The following WDR25 variants were observed in gnomAD, a reference collection of about 807,000 sequenced individuals.
The protein encoded by WDR25 is WD repeat domain 25.
A neutral mutation model predicts 47.7 loss-of-function variants in WDR25; 35 were observed. The observed-to-expected ratio is 0.73, with a 90% CI of 0.56 to 0.97. The LOEUF (loss-of-function observed/expected upper bound fraction) is 0.97, where lower values mean the gene tolerates loss of function less well. Ranked by LOEUF, WDR25 falls within the 50% of genes least tolerant of loss-of-function variation. The probability of loss-of-function intolerance (pLI) is 0.00; values close to 1 mark genes in which losing one functional copy is unlikely to be tolerated. For missense variants in WDR25, 634 were observed against 704.7 expected (o/e 0.90, Z 1.14); for synonymous variants, 248 against 278.9 (o/e 0.89, Z 1.10).
intron 2 of WDR25, among the ~76,000 whole-genome samples, chr14:100,422,473 G>A (rs1270787611): frequency 6.6e-6 from 1 of 152,170 alleles, no homozygotes; most frequent in East Asian, 1.9e-4. Context: ...AGGGAGATTG[G>A]ACTCCACCTT....
At chr14:100,465,289 C>G (rs1899591183) in intron 2 of WDR25, among the ~76,000 whole-genome samples, 1 of 152,308 alleles carries the variant, frequency 6.6e-6, no homozygotes, top group South Asian at 2.1e-4. Context: ...GTTGTGCAGT[C>G]TGCACCCCAT....
chr14:100,525,212 C>G lies in WDR25; in HGVS notation c.1102-658C>G, dbSNP rs1157891918. The stretch of plus-strand genomic sequence containing the variant: ...TGGTACTGGGACCCTTCTCCATCCC[C>G]TCACCAGAGCTGGATACTTGAGAGC... On this transcript the variant is annotated intron_variant, in intron 4 of 6. Coordinates refer to ENST00000402312, the MANE Select transcript of WDR25 (RefSeq NM_001161476.3). This position sits in a 1 kb window ranked among gnomAD's most constrained non-coding sequence, Gnocchi z 4.6. 6.6e-6 allele frequency among the ~76,000 whole-genome samples: 1 copy of G among 152,212 alleles called. No individual in the cohort carries two copies. Among genetic ancestry groups the G allele is most frequent in the Non-Finnish European group, 1.5e-5 (1 of 68,036 alleles).
chr14:100,493,262 C>G (rs1402882145), intron 4 of WDR25, among the ~76,000 whole-genome samples: 1 of 152,140 alleles, frequency 6.6e-6, no homozygotes, highest in Non-Finnish European at 1.5e-5. Flanking sequence ...AAAAAGAAAC[C>G]ACGTTTTTTA....
At chr14:100,402,714 G>A (rs1248647281) in intron 2 of WDR25, among the ~76,000 whole-genome samples, 2 of 152,174 alleles carry the variant, frequency 1.3e-5, no homozygotes, top group African/African-American at 4.8e-5. Flanking sequence ...GAGAATTACA[G>A]GTGTCCCCCA....
Position 100,407,991 on chromosome 14 carries a change from C to A in WDR25, c.822+26245C>A, listed in dbSNP as rs909987195. 2.0e-5 allele frequency among the ~76,000 whole-genome samples: 3 copies of A among 151,972 alleles called. No individual in the cohort carries two copies. The highest frequency in any genetic ancestry group is 2.9e-5 in the Non-Finnish European group (2 of 67,992). On this transcript the variant is annotated intron_variant, in intron 2 of 6. Transcript: ENST00000402312. The surrounding 1 kb of genome is among the most constrained non-coding windows in gnomAD (Gnocchi z 4.1). ...GGAGACAGGGGAGGGGTTGTGAGAG[C>A]CAGAGCACAGATGCCTGCACACCAG... is the stretch of plus-strand genomic sequence containing the variant.
At chr14:100,462,338 T>G in intron 2 of WDR25, among the ~76,000 whole-genome samples, 1 of 152,254 alleles carries the variant, frequency 6.6e-6, no homozygotes, top group East Asian at 1.9e-4. Flanking sequence ...AACTCCTTAA[T>G]TCTATGAAGG....
chr14:100,528,074 T>A (rs746857379), intron 5 of WDR25, among the ~76,000 whole-genome samples: 5 of 152,148 alleles, frequency 3.3e-5, no homozygotes, highest in Admixed American at 6.6e-5. Context: ...TGGGCTGGGC[T>A]GGGCTGTCCC....
intron 3 of WDR25, among the ~76,000 whole-genome samples, chr14:100,470,046 A>G (rs1899776251): frequency 6.6e-6 from 1 of 152,256 alleles, no homozygotes; most frequent in African/African-American, 2.4e-5. Context: ...AGACACAGGA[A>G]TTGCAAGAAC....
intron 4 of WDR25, among the ~76,000 whole-genome samples, chr14:100,489,247 G>T (rs2140329050): frequency 6.6e-6 from 1 of 152,368 alleles, no homozygotes; most frequent in Admixed American, 6.5e-5. Context: ...CCCGGTGTTT[G>T]GTGGATAACA....
In WDR25 at chr14:100,422,671, T is replaced by A. The variant is rs547901173; in HGVS notation, c.822+40925T>A. Among the ~76,000 whole-genome samples, 7 of 152,370 alleles carry A rather than the reference T, an allele frequency of 4.6e-5. 1 individual carries two copies. The South Asian group carries it at 1.5e-3, about 32-fold the overall frequency. The stretch of plus-strand genomic sequence containing the variant: ...CTTCCCCTCCTGAGTATTTGTTCCG[T>A]GGACGCCCACCAGCGTACTGAGCGT... On this transcript the variant is annotated intron_variant, in intron 2 of 6. Transcript: ENST00000402312.
At chr14:100,485,064 C>T (rs1294041982) in intron 4 of WDR25, among the ~76,000 whole-genome samples, 1 of 152,208 alleles carries the variant, frequency 6.6e-6, no homozygotes, top group African/African-American at 2.4e-5. Flanking sequence ...TCAGTGCCAG[C>T]CCCACTAGGC....
chr14:100,433,739 A>G lies in WDR25; in HGVS notation c.823-34282A>G, dbSNP rs926964090. Among the ~76,000 whole-genome samples the G allele has an allele frequency of 2.0e-4, 30 of 152,310 alleles. 1 individual carries two copies. The East Asian group carries it at 5.8e-3, about 29-fold the overall frequency. ...TAGTTTCTTAGTTTAACAGTAAGTT[A>G]TAATAATACATTTTTATCATTTGAT... On this transcript the variant is annotated intron_variant, in intron 2 of 6. Transcript: ENST00000402312.
chr14:100,384,232 A>G (rs1896969145), intron 2 of WDR25, among the ~76,000 whole-genome samples: 1 of 152,232 alleles, frequency 6.6e-6, no homozygotes, highest in African/African-American at 2.4e-5. Flanking sequence ...GGTGTCGTGA[A>G]CATTAGGGCT....
In WDR25 at chr14:100,425,259, A is replaced by G. The variant is rs1898135097; in HGVS notation, c.823-42762A>G. Among the ~76,000 whole-genome samples, 1 of 151,920 alleles carries G rather than the reference A, an allele frequency of 6.6e-6. No homozygotes were observed. The highest frequency in any genetic ancestry group is 2.4e-5 in the African/African-American group (1 of 41,342). ...GCCCTTCTCCATCCTACCTCCCTTA[A>G]TGTGCACATCCTGTCACCCCATGGG... On this transcript the variant is annotated intron_variant, in intron 2 of 6. Coordinates refer to ENST00000402312, the MANE Select transcript of WDR25 (RefSeq NM_001161476.3). The surrounding 1 kb of genome is among the most constrained non-coding windows in gnomAD (Gnocchi z 4.8).
At chr14:100,421,314 T>G (rs941355969) in intron 2 of WDR25, among the ~76,000 whole-genome samples, 1 of 152,162 alleles carries the variant, frequency 6.6e-6, no homozygotes, top group African/African-American at 2.4e-5. Context: ...CCTGGGCTTA[T>G]TGGTCCCCCA....
intron 3 of WDR25, among the ~76,000 whole-genome samples, chr14:100,472,122 C>T (rs1481173223): frequency 6.6e-6 from 1 of 152,228 alleles, no homozygotes; most frequent in Non-Finnish European, 1.5e-5. Flanking sequence ...CCAGCCTGAC[C>T]CTCGAGGCTG....
chr14:100,479,734 C>G (rs1369420954), intron 3 of WDR25, among the ~76,000 whole-genome samples: 1 of 152,136 alleles, frequency 6.6e-6, no homozygotes, highest in Non-Finnish European at 1.5e-5. Flanking sequence ...GGGCCACGGA[C>G]TGGTACCTGT....
At chr14:100,408,704 C>T (rs1297799717) in intron 2 of WDR25, among the ~76,000 whole-genome samples, 1 of 152,154 alleles carries the variant, frequency 6.6e-6, no homozygotes, top group Non-Finnish European at 1.5e-5. Flanking sequence ...TCTGAAGGGC[C>T]GAAAGCAATT....
rs368504318 is a variant in WDR25 at position 100,455,689 on chromosome 14, T to C, written c.823-12332T>C. ...AGTGTCATGTGGAGGAGAATAATCATGTGAAAAACTACTCACTCTTCACCA... is the reference window on the plus strand; with the variant it reads ...AGTGTCATGTGGAGGAGAATAATCACGTGAAAAACTACTCACTCTTCACCA... On this transcript the variant is annotated intron_variant, in intron 2 of 6. Transcript: ENST00000402312. Among the ~76,000 whole-genome samples, 10 of 152,320 alleles carry C rather than the reference T, an allele frequency of 6.6e-5. No individual in the cohort carries two copies. The East Asian group carries it at 1.9e-3, about 29-fold the overall frequency.
Sources: gnomAD v4.1 joint callset for allele counts (sites outside exome capture counted in the v4.1 genomes callset) on GRCh38, gnomAD v4.1.1 for gene constraint, Gnocchi (gnomAD v3.1) non-coding constraint, MANE v1.5 for transcripts, NCBI Gene and HGNC (gene_info 2026-07-23, HGNC 2026-07-21) for gene names.